The following TENM4 variants were observed in gnomAD, a reference collection of about 807,000 sequenced individuals.
TENM4 encodes the protein teneurin transmembrane protein 4.
TENM4 carries 82 observed loss-of-function variants against 243.3 expected under a neutral mutation model. That is an observed-to-expected ratio of 0.34 (90% CI 0.28 to 0.40). The LOEUF is 0.40. Ranked by LOEUF, TENM4 falls within the 10% of genes least tolerant of loss-of-function variation. TENM4 has a pLI of 1.00. For synonymous variants in TENM4, 1,412 were observed against 1,456.3 expected, an observed-to-expected ratio of 0.97 and a Z score of 0.69; for missense variants, 3,138 against 3,673.3, an observed-to-expected ratio of 0.85 and a Z score of 3.77.
At chr11:79,001,894 A>G (rs1464954768) in intron 6 of TENM4, among the ~76,000 whole-genome samples, 5 of 152,100 alleles carry the variant, frequency 3.3e-5, no homozygotes, top group Non-Finnish European at 7.4e-5. Flanking sequence ...ATCCCCTGCC[A>G]ATGTGCACCA....
intron 6 of TENM4, among the ~76,000 whole-genome samples, chr11:78,940,032 A>T (rs1856857012): frequency 6.6e-6 from 1 of 152,218 alleles, no homozygotes; most frequent in Non-Finnish European, 1.5e-5. Flanking sequence ...AAAAGAAAAA[A>T]GTACAAAGGA....
intron 1 of TENM4, among the ~76,000 whole-genome samples, chr11:79,299,964 A>G (rs567379021): frequency 1.4e-3 from 213 of 152,302 alleles, no homozygotes; most frequent in African/African-American, 5.0e-3. Context: ...TATGAGCTAC[A>G]AACTACGCAG....
intron 20 of TENM4, among the ~76,000 whole-genome samples, chr11:78,734,518 C>T (rs1256134582): frequency 4.0e-5 from 6 of 150,406 alleles, no homozygotes; most frequent in African/African-American, 1.5e-4. Context: ...CCCTCTCTTT[C>T]CAGCTTCTTA....
rs1322536472 is a variant in TENM4 at position 78,854,246 on chromosome 11, G to T, written c.1539C>A (p.Thr513=). 1.3e-6 allele frequency: 2 copies of T among 1,551,022 alleles called. No individual in the cohort carries two copies. Among genetic ancestry groups the T allele is most frequent in the Non-Finnish European group, 1.7e-6 (2 of 1,146,668 alleles). Residue 513 remains threonine (T), a synonymous_variant, in exon 12 of 34, where the codon ACC becomes ACA. Coordinates refer to ENST00000278550, the MANE Select transcript of TENM4 (RefSeq NM_001098816.3). ...LTQEARSLEG[T]PRQSRGTVPP... ...GCACAGTTCCCCGAGACTGGCGCGGGGTCCCCTCTAGGCTCCGCGCCTCCT... is the reference window on the plus strand; with the variant it reads ...GCACAGTTCCCCGAGACTGGCGCGGTGTCCCCTCTAGGCTCCGCGCCTCCT...
At chr11:78,717,896 G>C (rs990536522) in intron 25 of TENM4, among the ~76,000 whole-genome samples, 11 of 152,204 alleles carry the variant, frequency 7.2e-5, no homozygotes, top group African/African-American at 2.7e-4. Context: ...TCTGGGACGA[G>C]GCAAAGATGC....
chr11:78,822,947 G>A (rs1857765700), intron 12 of TENM4, among the ~76,000 whole-genome samples: 1 of 152,094 alleles, frequency 6.6e-6, no homozygotes, highest in Non-Finnish European at 1.5e-5. Context: ...TAACAGTATC[G>A]CATTATCATC....
chr11:79,240,170 A>G (rs939548239), intron 2 of TENM4, among the ~76,000 whole-genome samples: 3 of 152,054 alleles, frequency 2.0e-5, no homozygotes, highest in Non-Finnish European at 4.4e-5. Flanking sequence ...GAGGGTGATA[A>G]CAGCACCTAC....
At chr11:79,020,802 T>G (rs1343157791) in intron 6 of TENM4, among the ~76,000 whole-genome samples, 1 of 152,170 alleles carries the variant, frequency 6.6e-6, no homozygotes, top group Non-Finnish European at 1.5e-5. Context: ...AACTGCTCAG[T>G]TCAATTCAAC....
chr11:78,779,066 T>C (rs773775332), intron 16 of TENM4, among the ~76,000 whole-genome samples: 1 of 152,200 alleles, frequency 6.6e-6, no homozygotes, highest in Non-Finnish European at 1.5e-5. Context: ...GAACAAGTGG[T>C]ACCCCATCTC....
chr11:78,666,580 T>C (rs1858163949), intron 32 of TENM4, among the ~76,000 whole-genome samples: 1 of 152,138 alleles, frequency 6.6e-6, no homozygotes, highest in South Asian at 2.1e-4. Flanking sequence ...AAACTGAAAA[T>C]GTTAGGTGCC....
intron 3 of TENM4, among the ~76,000 whole-genome samples, chr11:79,189,326 C>T (rs1233789195): frequency 6.6e-6 from 1 of 152,180 alleles, no homozygotes; most frequent in Non-Finnish European, 1.5e-5. Flanking sequence ...CAGTTAGCCA[C>T]CATCTCTCTG....
At chr11:79,164,201 ATAGTG>A (rs1405985138) in intron 3 of TENM4, among the ~76,000 whole-genome samples, 1 of 123,868 alleles carries the variant, frequency 8.1e-6, no homozygotes, top group East Asian at 2.2e-4. Context: ...TATACTATAT[ATAGTG>A]TATAGTATAT....
intron 1 of TENM4, among the ~76,000 whole-genome samples, chr11:79,427,261 C>A (rs1283559429): frequency 1.3e-5 from 2 of 152,080 alleles, no homozygotes; most frequent in Non-Finnish European, 2.9e-5. Context: ...TATCTTTGAC[C>A]TAGAAATTTC....
intron 2 of TENM4, among the ~76,000 whole-genome samples, chr11:79,274,705 G>T (rs1165996965): frequency 2.6e-5 from 4 of 152,074 alleles, no homozygotes; most frequent in Admixed American, 2.6e-4. Context: ...TTATAAATTG[G>T]GGGGGAAAAA....
intron 12 of TENM4, among the ~76,000 whole-genome samples, chr11:78,831,402 G>A (rs17137218): frequency 0.053 from 8,123 of 152,294 alleles, 244 homozygotes; most frequent in Middle Eastern, 0.12. Flanking sequence ...GTGATATGAT[G>A]AAGGCACAGC....
At chr11:78,848,154 T>TC (rs1565404866) in intron 12 of TENM4, among the ~76,000 whole-genome samples, 1 of 147,002 alleles carries the variant, frequency 6.8e-6, no homozygotes, top group Non-Finnish European at 1.5e-5. Context: ...CCTCCCTCCT[T>TC]TTTTTTTTTT....
At chr11:79,382,724 G>A (rs934448219) in intron 1 of TENM4, among the ~76,000 whole-genome samples, 3 of 152,032 alleles carry the variant, frequency 2.0e-5, no homozygotes, top group Non-Finnish European at 4.4e-5. Context: ...TTTGTTTCCC[G>A]AGAAGAGGCT....
chr11:78,815,942 C>A (rs958402412), intron 12 of TENM4, among the ~76,000 whole-genome samples: 3 of 152,228 alleles, frequency 2.0e-5, no homozygotes, highest in Admixed American at 1.3e-4. Flanking sequence ...CTATCTGGAT[C>A]TTGAAGGAAC....
At chr11:79,061,246 G>A (rs191095338) in intron 6 of TENM4, among the ~76,000 whole-genome samples, 67 of 152,264 alleles carry the variant, frequency 4.4e-4, no homozygotes, top group Middle Eastern at 3.4e-3. Flanking sequence ...TCTGAGTACC[G>A]CATAACGAAG....
Sources: gnomAD v4.1 joint callset for allele counts (sites outside exome capture counted in the v4.1 genomes callset) on GRCh38, gnomAD v4.1.1 for gene constraint, MANE v1.5 for transcripts, NCBI Gene and HGNC (gene_info 2026-07-23, HGNC 2026-07-21) for gene names.